The following TMEM205 variants were observed in gnomAD, a reference collection of about 807,000 sequenced individuals.
TMEM205 encodes the protein transmembrane protein 205, also known as MBC3205.
Under a neutral mutation model 17.9 loss-of-function variants are expected in TMEM205, and 11 were observed. That is an observed-to-expected ratio of 0.61 (90% CI 0.39 to 1.02). The LOEUF (loss-of-function observed/expected upper bound fraction) is 1.02, where lower values mean the gene tolerates loss of function less well. Among genes scored for constraint, TMEM205 ranks in the 50% least tolerant of loss-of-function variants. The pLI, the probability that TMEM205 is intolerant of heterozygous loss-of-function variation, is 0.01. For missense variants in TMEM205, 236 were observed against 239.4 expected (o/e 0.99, Z 0.09); for synonymous variants, 86 against 97.4 (o/e 0.88, Z 0.69).
rs1967141770 is a variant in TMEM205 at position 11,345,265 on chromosome 19, C to T, written c.251G>A (p.Trp84Ter). 1 of 1,613,980 alleles carries T rather than the reference C, an allele frequency of 6.2e-7. No individual in the cohort carries two copies. Among genetic ancestry groups the T allele is most frequent in the Non-Finnish European group, 8.5e-7 (1 of 1,180,006 alleles). The stretch of plus-strand genomic sequence containing the variant: ...AAACCCACGTACCTGGCTGGCCTCC[C>T]AGAATGTGAGCTGAGCCCAAGCATG... ...SQHAWAQLTF[W>*]EASQLYLLFL... The change falls in exon 2 of 3, where the codon TGG becomes TAG. Residue 84 changes from tryptophan to a stop codon, truncating the protein, a stop_gained. Coordinates refer to ENST00000354882, the MANE Select transcript of TMEM205 (RefSeq NM_198536.3). LOFTEE classifies it high-confidence loss of function.
chr19:11,342,823 T>A lies in TMEM205; in HGVS notation c.562A>T (p.Ser188Cys). The A allele has an allele frequency of 1.2e-6, 2 of 1,612,764 alleles. No homozygotes were observed. Among genetic ancestry groups the A allele is most frequent in the Non-Finnish European group, 1.7e-6 (2 of 1,179,308 alleles). ...CLAGLALEIR[S>C]L The stretch of plus-strand genomic sequence containing the variant: ...AGCATGCAGGGCCCATGCTAGAGGC[T>A]CCTTATTTCCAGGGCAAGGCCAGCG... Residue 188 changes from serine (S) to cysteine (C), a missense_variant, in exon 3 of 3, where the codon AGC becomes TGC. Coordinates refer to ENST00000354882, the MANE Select transcript of TMEM205 (RefSeq NM_198536.3).
rs1967006051 is a variant in TMEM205, at chr19:11,343,120, G to A, written c.265C>T (p.Leu89Phe). Residue 89 changes from leucine (L) to phenylalanine (F), a missense_variant and splice_region_variant, in exon 3 of 3, where the codon CTT becomes TTT. Coordinates refer to ENST00000354882, the MANE Select transcript of TMEM205 (RefSeq NM_198536.3). ...GTAAGGCTCAGGAACAGCAGGTAAA[G>A]CTGGCAGGGAGAGCAGAGGAGAAGG... ...AQLTFWEASQ[L>F]YLLFLSLTLA... is the part of the protein sequence containing the mutation. 1.2e-6 allele frequency: 2 copies of A among 1,609,352 alleles called. No homozygotes were observed. Among genetic ancestry groups the A allele is most frequent in the African/African-American group, 2.7e-5 (2 of 74,914 alleles).
chr19:11,345,817 C>T lies in TMEM205; in HGVS notation c.-198G>A, dbSNP rs866061678. 4.6e-5 allele frequency: 50 copies of T among 1,090,788 alleles called. No homozygotes were observed. The highest frequency in any genetic ancestry group is 6.3e-4 in the Middle Eastern group (2 of 3,150). 67.6% of individuals were successfully genotyped at this position (1,090,788 alleles called of 1,614,324 possible). ...AAAGACAACCCTCGACCCCATCTCT[C>T]CAAATGTCAGCCCTCAAGATCTCAG... On this transcript the variant is annotated 5_prime_UTR_variant, in exon 1 of 3. Transcript: ENST00000354882.
At chr19:11,345,101 C>T in intron 2 of TMEM205, 151 bp downstream of exon 2, 1 of 745,814 alleles carries the variant, frequency 1.3e-6, no homozygotes. Flanking sequence ...CGTGATCCGC[C>T]CACCTCGGCC....
At position 11,342,787 on chromosome 19, in the gene TMEM205, A is replaced by C. The variant is rs1966984577; in HGVS notation, c.*28T>G. The C allele has an allele frequency of 1.9e-6, 3 of 1,572,884 alleles. No individual in the cohort carries two copies. The highest frequency in any genetic ancestry group is 2.6e-6 in the Non-Finnish European group (3 of 1,160,338). On this transcript the variant is annotated 3_prime_UTR_variant, in exon 3 of 3. Transcript: ENST00000354882. ...AAAAAGACAGCAGCCATTTCTGAAG[A>C]AGCATTTATTAGCATGCAGGGCCCA...
chr19:11,345,449 C>G (rs1166518866), intron 1 of TMEM205, 34 bp from the exon 2 acceptor site: 1 of 1,613,772 alleles, frequency 6.2e-7, no homozygotes, highest in Non-Finnish European at 8.5e-7. Context: ...GGTGTTAGGG[C>G]ACTTCCCGGT....
At chr19:11,345,014 C>G (rs1967112287) in intron 2 of TMEM205, among the ~76,000 whole-genome samples, 1 of 152,096 alleles carries the variant, frequency 6.6e-6, no homozygotes, top group East Asian at 1.9e-4. Context: ...CACCACCACG[C>G]CTGGCTAATT....
upstream of TMEM205, chr19:11,346,360 G>C (rs1967231442): frequency 3.4e-6 from 2 of 589,674 alleles, no homozygotes; most frequent in South Asian, 4.1e-5. Context: ...CCTGGGTATT[G>C]ACTAATCGTA....
At chr19:11,345,035 T>G in intron 2 of TMEM205, 1 of 460,510 alleles carries the variant, frequency 2.2e-6, no homozygotes, top group Non-Finnish European at 3.9e-6. Context: ...TTTTTGTATT[T>G]TTAGTAGAGA....
At position 11,343,139 on chromosome 19, in the gene TMEM205, GAGA is replaced by G. The variant is rs2147975651; in HGVS notation, c.265-22_265-20del. The G allele has an allele frequency of 1.3e-6, 2 of 1,599,336 alleles. No homozygotes were observed. The highest frequency in any genetic ancestry group is 1.7e-6 in the Non-Finnish European group (2 of 1,172,562). On this transcript the variant is annotated intron_variant, in intron 2 of 2. Transcript: ENST00000354882. The stretch of plus-strand genomic sequence containing the variant: ...GGTAAAGCTGGCAGGGAGAGCAGAG[GAGA>G]AGGTGAGCCATGCCTGGGAGGCCAG...
chr19:11,342,854 G>A lies in TMEM205; in HGVS notation c.531C>T (p.Leu177=). 6.2e-7 allele frequency: 1 copy of A among 1,614,210 alleles called. No homozygotes were observed. Among genetic ancestry groups the A allele is most frequent in the Non-Finnish European group, 8.5e-7 (1 of 1,180,032 alleles). ...CNLGCVLSNG[L]CLAGLALEIR... is the part of the protein sequence containing the mutation. ...TTTCCAGGGCAAGGCCAGCGAGACA[G>A]AGCCCATTGCTCAGGACGCAGCCCA... is the stretch of plus-strand genomic sequence containing the variant. Residue 177 remains leucine, a synonymous_variant, in exon 3 of 3, where the codon CTC becomes CTT. Transcript: ENST00000354882.
chr19:11,343,070 C>T lies in TMEM205; in HGVS notation c.315G>A (p.Trp105Ter). Residue 105 changes from tryptophan (W) to a stop codon, truncating the protein, a stop_gained, in exon 3 of 3, where the codon TGG becomes TGA. Coordinates refer to ENST00000354882, the MANE Select transcript of TMEM205 (RefSeq NM_198536.3). LOFTEE classifies it high-confidence loss of function. The part of the protein sequence containing the change: ...SLTLATVNAR[W>*]LEPRTTAAMW... ...TGGCAGCTGTGGTGCGGGGTTCCAGCCAGCGGGCGTTGACAGTGGCCAGCG... is the reference window on the plus strand; with the variant it reads ...TGGCAGCTGTGGTGCGGGGTTCCAGTCAGCGGGCGTTGACAGTGGCCAGCG... 6.2e-7 allele frequency: 1 copy of T among 1,613,848 alleles called. No individual in the cohort carries two copies. Among genetic ancestry groups the T allele is most frequent in the Middle Eastern group, 1.7e-4 (1 of 5,864 alleles).
At chr19:11,346,305 C>T, upstream of TMEM205, 1 of 477,172 alleles carries the variant, frequency 2.1e-6, no homozygotes, top group Non-Finnish European at 3.7e-6. Flanking sequence ...CCAGCTGAGC[C>T]CGAAGCCAAT....
chr19:11,344,214 A>C (rs1201270772), intron 2 of TMEM205, among the ~76,000 whole-genome samples: 1 of 152,014 alleles, frequency 6.6e-6, no homozygotes, highest in Admixed American at 6.6e-5. Flanking sequence ...AAGTGCTGGG[A>C]TTACAGGCAT....
In TMEM205 at chr19:11,343,003, C is replaced by T. The variant is rs776087561; in HGVS notation, c.382G>A (p.Gly128Arg). The stretch of plus-strand genomic sequence containing the variant: ...CCCTGGTGGCTGCCTGGTACCTCCC[C>T]ACCCAGGCCTCGCTCCTTCTCCACG... ...QTVEKERGLG[G>R]EVPGSHQGPD... The change falls in exon 3 of 3, where the codon GGG (glycine) becomes AGG (arginine). Residue 128 changes from glycine to arginine, a missense_variant. By Grantham distance (125) the Gly-to-Arg change is moderately radical. Coordinates refer to ENST00000354882, the MANE Select transcript of TMEM205 (RefSeq NM_198536.3). 51 of 1,614,082 alleles carry T rather than the reference C, an allele frequency of 3.2e-5. No homozygotes were observed. Among genetic ancestry groups the T allele is most frequent in the Non-Finnish European group, 4.2e-5 (50 of 1,180,044 alleles).
intron 2 of TMEM205, among the ~76,000 whole-genome samples, chr19:11,344,457 G>A (rs904267708): frequency 1.3e-5 from 2 of 152,116 alleles, no homozygotes; most frequent in Non-Finnish European, 1.5e-5. Flanking sequence ...ACTTACCCAC[G>A]TCTATGAAAC....
At position 11,343,028 on chromosome 19, in the gene TMEM205, G is replaced by T. The variant is rs779687133; in HGVS notation, c.357C>A (p.Thr119=). ...CACCCAGGCCTCGCTCCTTCTCCACGGTTTGCAGGGCCCACATGGCAGCTG... is the reference window on the plus strand; with the variant it reads ...CACCCAGGCCTCGCTCCTTCTCCACTGTTTGCAGGGCCCACATGGCAGCTG... ...RTTAAMWALQ[T]VEKERGLGGE... Residue 119 remains threonine (T), a synonymous_variant, in exon 3 of 3, where the codon ACC becomes ACA. Transcript: ENST00000354882. 3.7e-6 allele frequency: 6 copies of T among 1,614,126 alleles called. No homozygotes were observed. The highest frequency in any genetic ancestry group is 5.1e-6 in the Non-Finnish European group (6 of 1,180,040).
chr19:11,343,024 C>A lies in TMEM205; in HGVS notation c.361G>T (p.Glu121Ter). The A allele has an allele frequency of 6.2e-7, 1 of 1,614,172 alleles. No homozygotes were observed. The highest frequency in any genetic ancestry group is 8.5e-7 in the Non-Finnish European group (1 of 1,180,030). The change falls in exon 3 of 3, where the codon GAG (glutamate) becomes TAG (stop). Residue 121 changes from glutamate to a stop codon, truncating the protein, a stop_gained. Transcript: ENST00000354882. LOFTEE classifies it high-confidence loss of function. ...TCCCCACCCAGGCCTCGCTCCTTCTCCACGGTTTGCAGGGCCCACATGGCA... is the reference window on the plus strand; with the variant it reads ...TCCCCACCCAGGCCTCGCTCCTTCTACACGGTTTGCAGGGCCCACATGGCA... ...TAAMWALQTVEKERGLGGEVP... is the reference protein window; with the variant it reads ...TAAMWALQTV
At chr19:11,343,230 C>T in intron 2 of TMEM205, 110 bp from the exon 3 acceptor site, 6 of 1,187,962 alleles carry the variant, frequency 5.1e-6, no homozygotes, top group Non-Finnish European at 6.9e-6. Context: ...GGGGACAGCA[C>T]TGGATCAAAA....
Sources: allele counts gnomAD v4.1 joint callset (sites outside exome capture counted in the v4.1 genomes callset), GRCh38; gene constraint gnomAD v4.1.1; transcripts MANE v1.5; gene names NCBI Gene and HGNC (gene_info 2026-07-23, HGNC 2026-07-21).